CELF1: variants seen among roughly 807,000 people sequenced by gnomAD.
CELF1 encodes 50 kDa nuclear polyadenylated RNA-binding protein.
A neutral mutation model predicts 61.8 loss-of-function variants in CELF1; 10 were observed. The observed-to-expected ratio is 0.16, with a 90% CI of 0.10 to 0.27. CELF1 has a LOEUF of 0.27. Ranked by LOEUF, CELF1 falls within the 10% of genes least tolerant of loss-of-function variation. The pLI is 1.00. For missense variants in CELF1, 380 were observed against 639.1 expected, an observed-to-expected ratio of 0.59 and a Z score of 4.37; for synonymous variants, 236 against 225.1, an observed-to-expected ratio of 1.05 and a Z score of -0.43.
At chr11:47,482,136 G>A (rs945942661) in intron 9 of CELF1, among the ~76,000 whole-genome samples, 1 of 152,178 alleles carries the variant, frequency 6.6e-6, no homozygotes, top group Non-Finnish European at 1.5e-5. Context: ...CCGAGGTGGA[G>A]GTTGCAGTAA....
chr11:47,526,636 T>G (rs2096252663), intron 1 of CELF1, among the ~76,000 whole-genome samples: 1 of 152,210 alleles, frequency 6.6e-6, no homozygotes, highest in South Asian at 2.1e-4. Context: ...GCCTGTTGAA[T>G]AAATTTTAAA....
intron 1 of CELF1, among the ~76,000 whole-genome samples, chr11:47,509,209 T>G (rs184222641): frequency 6.6e-6 from 1 of 152,354 alleles, no homozygotes; most frequent in African/African-American, 2.4e-5. Flanking sequence ...TTTGACTGTT[T>G]TACATCTTTC....
chr11:47,482,521 T>TAG (rs948369437), intron 9 of CELF1, 174 bp downstream of exon 9: 2 of 523,270 alleles, frequency 3.8e-6, no homozygotes, highest in Non-Finnish European at 3.4e-6. Flanking sequence ...TACATATATA[T>TAG]AGAGAGAGAA....
rs140674724 is a variant in CELF1 at position 47,481,601 on chromosome 11, T to C, written c.768+1094A>G. 6.6e-4 allele frequency among the ~76,000 whole-genome samples: 100 copies of C among 152,348 alleles called. 1 individual carries two copies. Among genetic ancestry groups the C allele is most frequent in the African/African-American group, 2.4e-3 (98 of 41,578 alleles). On this transcript the variant is annotated intron_variant, in intron 9 of 14. Transcript: ENST00000687097. The stretch of plus-strand genomic sequence containing the variant: ...AGCTATTTCTATGTGAATATTTTTG[T>C]ATCATCCATACAAATCTAGTGGTTT...
chr11:47,479,850 A>G (rs1233253117), intron 9 of CELF1, among the ~76,000 whole-genome samples: 1 of 152,104 alleles, frequency 6.6e-6, no homozygotes, highest in Non-Finnish European at 1.5e-5. Flanking sequence ...TGTCGCCGCA[A>G]ATCCTTCCAG....
chr11:47,523,275 T>C (rs764242427), intron 1 of CELF1: 60 of 152,198 alleles, frequency 3.9e-4, no homozygotes, highest in Non-Finnish European at 7.3e-4. Flanking sequence ...ATCAAAGAGC[T>C]GCCACTGATT....
chr11:47,523,220 T>C (rs938482734), intron 1 of CELF1: 3 of 152,142 alleles, frequency 2.0e-5, no homozygotes, highest in African/African-American at 4.8e-5. Flanking sequence ...AGCTAGAATA[T>C]AGGTGTGCTA....
Position 47,553,074 on chromosome 11 carries a change from G to A in CELF1, c.-236C>T, listed in dbSNP as rs1377112989. ...CCGCCGCCGCCTCGCTGCTGAGGCC[G>A]AATCCCGGGGGAGCCTCCGCGTCCC... On this transcript the variant is annotated 5_prime_UTR_variant, in exon 1 of 15. Coordinates refer to ENST00000687097, the MANE Select transcript of CELF1 (RefSeq NM_001376376.1). 1 of 400,464 alleles carries A rather than the reference G, an allele frequency of 2.5e-6. No individual in the cohort carries two copies. The allele number at this position is 400,464 out of a possible 1,614,324, so 24.8% of individuals were successfully genotyped here. A position where few individuals can be genotyped will look rare whatever the true frequency, so the allele number is the denominator to read the frequency against.
chr11:47,515,282 T>C (rs1189061509), intron 1 of CELF1, among the ~76,000 whole-genome samples: 1 of 151,816 alleles, frequency 6.6e-6, no homozygotes, highest in Non-Finnish European at 1.5e-5. Flanking sequence ...GTGGAGGGAG[T>C]GGGAGCTCTG....
At chr11:47,536,856 CATA>C (rs1162540048) in intron 1 of CELF1, among the ~76,000 whole-genome samples, 1 of 152,114 alleles carries the variant, frequency 6.6e-6, no homozygotes, top group East Asian at 1.9e-4. Context: ...ATATAATAAA[CATA>C]ATGTCTTTCC....
chr11:47,505,569 G>C (rs148109510), intron 1 of CELF1, among the ~76,000 whole-genome samples: 1,931 of 150,504 alleles, frequency 0.013, 53 homozygotes, highest in African/African-American at 0.044. Flanking sequence ...CGTGAACCTG[G>C]GAGGCAGAGC....
At chr11:47,530,151 A>AT (rs1491202153) in intron 1 of CELF1, among the ~76,000 whole-genome samples, 4 of 152,208 alleles carry the variant, frequency 2.6e-5, no homozygotes, top group African/African-American at 9.6e-5. Context: ...AAAATGTGAC[A>AT]TATGTGCAAT....
intron 1 of CELF1, chr11:47,524,629 C>G (rs1285835273): frequency 6.6e-6 from 1 of 152,254 alleles, no homozygotes; most frequent in Non-Finnish European, 1.5e-5. Flanking sequence ...CTGAGCAGGT[C>G]TGAGCCGGTG....
At chr11:47,511,152 C>G (rs1208754655) in intron 1 of CELF1, among the ~76,000 whole-genome samples, 1 of 152,186 alleles carries the variant, frequency 6.6e-6, no homozygotes, top group Non-Finnish European at 1.5e-5. Flanking sequence ...CACCACTGCA[C>G]TCCAGCCTAG....
At chr11:47,565,416 A>G (rs7933674) in exon 1 of CELF1, 338,653 of 339,426 alleles carry the variant, frequency 1, 168,946 homozygotes, top group Middle Eastern at 1. Context: ...CCGCCCAGGA[A>G]ACCTCGGTCC....
intron 1 of CELF1, among the ~76,000 whole-genome samples, chr11:47,543,490 C>A (rs2153733632): frequency 6.6e-6 from 1 of 152,262 alleles, no homozygotes; most frequent in South Asian, 2.1e-4. Context: ...CTCATGGCCT[C>A]CACAGCACAG....
chr11:47,477,231 C>T (rs1278625278), intron 11 of CELF1, 66 bp downstream of exon 11: 4 of 1,572,150 alleles, frequency 2.5e-6, no homozygotes, highest in African/African-American at 2.7e-5. Context: ...TCTCTGGACT[C>T]TGCCTTTAAA....
chr11:47,544,249 C>T (rs2096877949), intron 1 of CELF1, among the ~76,000 whole-genome samples: 1 of 152,180 alleles, frequency 6.6e-6, no homozygotes. Context: ...TTATTTATTT[C>T]ATTTGGCTGA....
chr11:47,482,575 A>G, intron 9 of CELF1, 120 bp downstream of exon 9: 1 of 887,790 alleles, frequency 1.1e-6, no homozygotes, highest in Non-Finnish European at 1.7e-6. Flanking sequence ...CTGAATTTTT[A>G]CATATAATTT....
Sources: gnomAD v4.1 joint callset for allele counts (sites outside exome capture counted in the v4.1 genomes callset) on GRCh38, gnomAD v4.1.1 for gene constraint, MANE v1.5 for transcripts, NCBI Gene and HGNC (gene_info 2026-07-23, HGNC 2026-07-21) for gene names.